The following C20orf96 variants were observed in gnomAD, a reference collection of about 807,000 sequenced individuals.
C20orf96 encodes uncharacterized protein C20orf96.
Under a neutral mutation model 52.6 loss-of-function variants are expected in C20orf96, and 57 were observed. The observed-to-expected ratio is 1.08, with a 90% CI of 0.88 to 1.35. The LOEUF is 1.35. C20orf96 is among the 40% of genes most tolerant of loss of function. C20orf96 has a pLI of 0.00. For missense variants in C20orf96, 478 were observed against 443.6 expected, an observed-to-expected ratio of 1.08 and a Z score of -0.70; for synonymous variants, 168 against 157.2, an observed-to-expected ratio of 1.07 and a Z score of -0.51.
chr20:290,520 C>A (rs1312556170), intron 1 of C20orf96, 71 bp downstream of exon 1: 80 of 1,569,394 alleles, frequency 5.1e-5, no homozygotes, highest in Non-Finnish European at 6.6e-5. Flanking sequence ...GGCGGGACAG[C>A]GGCGGGGTGT....
intron 9 of C20orf96, 121 bp from the exon 10 acceptor site, chr20:276,207 G>A: frequency 6.5e-7 from 1 of 1,546,738 alleles, no homozygotes; most frequent in Non-Finnish European, 8.7e-7. Context: ...TCTGTCACTG[G>A]GACTTGCTGG....
At chr20:288,446 T>C (rs1490677180) in intron 3 of C20orf96, among the ~76,000 whole-genome samples, 1 of 152,136 alleles carries the variant, frequency 6.6e-6, no homozygotes, top group Non-Finnish European at 1.5e-5. Flanking sequence ...AACCCCCACC[T>C]GGCAGAAGAC....
At chr20:273,908 AGGGAGGG>A (rs1568489080) in intron 10 of C20orf96, among the ~76,000 whole-genome samples, 1,886 of 44,476 alleles carry the variant, frequency 0.042, 157 homozygotes, top group African/African-American at 0.14. Flanking sequence ...GAAGGAAGGG[AGGGAGGG>A]AGGGAGGGAG....
In C20orf96 at chr20:282,866, T is replaced by C. The variant is rs1409447359; in HGVS notation, c.306+1097A>G. Reference sequence around the variant, plus strand: ...CAGCCTGGGTGACGGAGTGAAACTCTGTCTCAAAAAAAAATTTTTTTAAAA... The same window carrying C: ...CAGCCTGGGTGACGGAGTGAAACTCCGTCTCAAAAAAAAATTTTTTTAAAA... On this transcript the variant is annotated intron_variant, in intron 4 of 10. Transcript: ENST00000360321. Among the ~76,000 whole-genome samples, 3 of 152,062 alleles carry C rather than the reference T, an allele frequency of 2.0e-5. No individual in the cohort carries two copies. The East Asian group carries it at 5.8e-4, about 29-fold the overall frequency.
rs1568491427 is a variant in C20orf96, at chr20:279,077, A to AGGGCGGAGGGAGGTT, written c.465+94_465+95insAACCTCCCTCCGCCC. On this transcript the variant is annotated intron_variant, in intron 5 of 10. Transcript: ENST00000360321. ...GCGGGACGGAGGGAGGGAGGGAGGG[A>AGGGCGGAGGGAGGTT]GGGACGGAGGGCGGGACGGAGGGAC... 1.1e-4 allele frequency: 47 copies of AGGGCGGAGGGAGGTT among 446,670 alleles called. 2 individuals carry two copies. The highest frequency in any genetic ancestry group is 1.8e-3 in the Middle Eastern group (2 of 1,116). 27.7% of individuals were successfully genotyped at this position (446,670 alleles called of 1,614,324 possible).
rs1417300520 is a variant in C20orf96 at position 270,989 on chromosome 20, A to C, written c.*218T>G. The C allele has an allele frequency of 2.0e-5, 10 of 496,568 alleles. No individual in the cohort carries two copies. Among genetic ancestry groups the C allele is most frequent in the Non-Finnish European group, 2.8e-5 (8 of 284,844 alleles). The allele number at this position is 496,568 out of a possible 1,614,324, so 30.8% of individuals were successfully genotyped here. A position where few individuals can be genotyped will look rare whatever the true frequency, so the allele number is the denominator to read the frequency against. Reference sequence around the variant, plus strand: ...AGGAAAAAACCACAGGAAGAAAGAAAGGAGGGAGGGAGGGAGAGGAGGAAG... The same window carrying C: ...AGGAAAAAACCACAGGAAGAAAGAACGGAGGGAGGGAGGGAGAGGAGGAAG... On this transcript the variant is annotated 3_prime_UTR_variant, in exon 11 of 11. Coordinates refer to ENST00000360321, the MANE Select transcript of C20orf96 (RefSeq NM_153269.3).
At chr20:277,778 CAA>C (rs2012079335) in intron 6 of C20orf96, among the ~76,000 whole-genome samples, 1 of 145,164 alleles carries the variant, frequency 6.9e-6, no homozygotes, top group African/African-American at 2.6e-5. Flanking sequence ...AGGATTAAGA[CAA>C]AGTCTATCCT....
intron 10 of C20orf96, among the ~76,000 whole-genome samples, chr20:274,650 C>T (rs1202225462): frequency 1.3e-5 from 2 of 152,110 alleles, no homozygotes; most frequent in East Asian, 3.9e-4. Context: ...ACCCTGGCAC[C>T]ACCGCCTAGA....
At chr20:286,362 C>T (rs933891326) in intron 3 of C20orf96, among the ~76,000 whole-genome samples, 2 of 151,572 alleles carry the variant, frequency 1.3e-5, no homozygotes, top group Admixed American at 1.3e-4. Flanking sequence ...ACTAAAAATA[C>T]AAAATTTAGC....
chr20:290,471 G>A, intron 1 of C20orf96, 120 bp downstream of exon 1: 3 of 1,510,608 alleles, frequency 2.0e-6, no homozygotes, highest in South Asian at 2.4e-5. Context: ...GGCGGGGAGA[G>A]GACGGGGGTC....
chr20:290,028 A>G (rs1256061458), intron 2 of C20orf96, among the ~76,000 whole-genome samples: 1 of 152,234 alleles, frequency 6.6e-6, no homozygotes, highest in Non-Finnish European at 1.5e-5. Flanking sequence ...CAGCAATCAG[A>G]TGAATAAGAG....
At position 271,162 on chromosome 20, in the gene C20orf96, G is replaced by T. The variant is rs369937008; in HGVS notation, c.*45C>A. 1 of 1,480,498 alleles carries T rather than the reference G, an allele frequency of 6.8e-7. No individual in the cohort carries two copies. Among genetic ancestry groups the T allele is most frequent in the South Asian group, 1.2e-5 (1 of 82,588 alleles). 91.7% of individuals were successfully genotyped at this position (1,480,498 alleles called of 1,614,324 possible). On this transcript the variant is annotated 3_prime_UTR_variant, in exon 11 of 11. Coordinates refer to ENST00000360321, the MANE Select transcript of C20orf96 (RefSeq NM_153269.3). ...AAGTAAATGATCCAAGGCTCCAGGT[G>T]CTGGGAAGAGAGCAGGAGGGGAGGG... is the stretch of plus-strand genomic sequence containing the variant.
chr20:289,412 T>A (rs948366009), intron 3 of C20orf96, 147 bp downstream of exon 3: 2 of 637,028 alleles, frequency 3.1e-6, no homozygotes, highest in Non-Finnish European at 5.7e-6. Context: ...AAATGAGATA[T>A]AAACTTCTAT....
chr20:276,193 G>A, intron 9 of C20orf96, 107 bp from the exon 10 acceptor site: 1 of 1,578,816 alleles, frequency 6.3e-7, no homozygotes. Context: ...GAAATGGTAT[G>A]GGTTCTGTCA....
intron 8 of C20orf96, 58 bp from the exon 9 acceptor site, chr20:276,937 G>A (rs1366381289): frequency 2.5e-6 from 4 of 1,608,470 alleles, no homozygotes; most frequent in Non-Finnish European, 3.4e-6. Flanking sequence ...GCAGAACATG[G>A]TAGAGACCGA....
In C20orf96 at chr20:277,480, C is replaced by T. The variant is rs974628910; in HGVS notation, c.566-97G>A. The T allele has an allele frequency of 1.9e-5, 25 of 1,294,314 alleles. No individual in the cohort carries two copies. In the Admixed American group the frequency reaches 4.9e-4, roughly 25 times the overall value. The allele number at this position is 1,294,314 out of a possible 1,614,324, so 80.2% of individuals were successfully genotyped here. A position where few individuals can be genotyped will look rare whatever the true frequency, so the allele number is the denominator to read the frequency against. ...GCCCAGGAGGCAAGGTCTCCTTGGC[C>T]AGTAACTGGGGTCTGGGCTGAGGTG... On this transcript the variant is annotated intron_variant, in intron 6 of 10. Coordinates refer to ENST00000360321, the MANE Select transcript of C20orf96 (RefSeq NM_153269.3).
chr20:277,894 C>A lies in C20orf96; in HGVS notation c.565+436G>T, dbSNP rs112131262. On this transcript the variant is annotated intron_variant, in intron 6 of 10. Transcript: ENST00000360321. Reference sequence around the variant, plus strand: ...CAGGGAAAAGGAACCACAGGCCAGGCAGGATGGAAGCCAGGAGACCCAGGT... The same window carrying A: ...CAGGGAAAAGGAACCACAGGCCAGGAAGGATGGAAGCCAGGAGACCCAGGT... Among the ~76,000 whole-genome samples the A allele has an allele frequency of 6.5e-3, 990 of 152,274 alleles. 9 individuals are homozygous for A. Among genetic ancestry groups the A allele is most frequent in the African/African-American group, 0.023 (950 of 41,540 alleles).
intron 4 of C20orf96, among the ~76,000 whole-genome samples, chr20:279,816 A>T (rs1460451685): frequency 2.0e-5 from 3 of 152,098 alleles, no homozygotes; most frequent in Non-Finnish European, 4.4e-5. Context: ...CTAAAAATAC[A>T]AAAATTAGCC....
At chr20:284,204 T>C in intron 3 of C20orf96, 123 bp from the exon 4 acceptor site, 1 of 704,370 alleles carries the variant, frequency 1.4e-6, no homozygotes, top group Non-Finnish European at 2.5e-6. Context: ...CTGACTGCCT[T>C]ATAATGTGAC....
Sources: gnomAD v4.1 joint callset for allele counts (sites outside exome capture counted in the v4.1 genomes callset) on GRCh38, gnomAD v4.1.1 for gene constraint, MANE v1.5 for transcripts, NCBI Gene and HGNC (gene_info 2026-07-23, HGNC 2026-07-21) for gene names.